COL5A1: variants seen among roughly 807,000 people sequenced by gnomAD.
The protein encoded by COL5A1 is collagen alpha-1(V) chain.
In COL5A1, 16 loss-of-function variants were observed where a neutral mutation model predicts 263.7. That is an observed-to-expected ratio of 0.06 (90% CI 0.04 to 0.09). The LOEUF is 0.09. COL5A1 is among the 10% of genes least tolerant of loss of function. The pLI is 1.00. For missense variants in COL5A1, 2,036 were observed against 2,540.5 expected (o/e 0.80, Z 4.27); for synonymous variants, 1,012 against 1,004.5 (o/e 1.01, Z -0.14).
intron 18 of COL5A1, among the ~76,000 whole-genome samples, chr9:134,761,518 T>C (rs1836443108): frequency 6.6e-6 from 1 of 152,238 alleles, no homozygotes; most frequent in African/African-American, 2.4e-5. Context: ...GAGCACATAT[T>C]GAGCACCCAC....
rs939587509 is a variant in COL5A1, at chr9:134,728,822, G to C, written c.924+15G>C. 6.2e-7 allele frequency: 1 copy of C among 1,613,978 alleles called. No homozygotes were observed. Among genetic ancestry groups the C allele is most frequent in the Admixed American group, 1.7e-5 (1 of 60,032 alleles). The stretch of plus-strand genomic sequence containing the variant: ...AGGTCCCCGAGGTCTGGGCTGAGCG[G>C]GGGACTGGGTTGGGCTGGGCCCCTC... On this transcript the variant is annotated intron_variant, in intron 6 of 65. Transcript: ENST00000371817.
chr9:134,689,018 T>C (rs1564389073), intron 1 of COL5A1, among the ~76,000 whole-genome samples: 1 of 152,136 alleles, frequency 6.6e-6, no homozygotes, highest in South Asian at 2.1e-4. Flanking sequence ...TGTACCTCCT[T>C]GTGGCCTGCG....
chr9:134,808,090 G>C (rs755639236), intron 42 of COL5A1, among the ~76,000 whole-genome samples: 2 of 152,200 alleles, frequency 1.3e-5, no homozygotes, highest in Admixed American at 6.5e-5. Flanking sequence ...AAGTAGGGTA[G>C]ACATTTCTAT....
intron 64 of COL5A1, chr9:134,830,257 C>A: frequency 7.2e-7 from 1 of 1,387,506 alleles, no homozygotes; most frequent in Non-Finnish European, 1.0e-6. Context: ...TGGCACCCAT[C>A]GCTGCCATGT....
chr9:134,763,547 A>T, intron 19 of COL5A1, 146 bp from the exon 20 acceptor site: 1 of 824,650 alleles, frequency 1.2e-6, no homozygotes, highest in Non-Finnish European at 2.1e-6. Flanking sequence ...AGGACATTCC[A>T]GGCCTTTCCG....
At chr9:134,667,185 T>G (rs1182200073) in intron 1 of COL5A1, among the ~76,000 whole-genome samples, 1 of 152,210 alleles carries the variant, frequency 6.6e-6, no homozygotes, top group Non-Finnish European at 1.5e-5. Context: ...GTGGGCTCAG[T>G]GCCTGTCCTG....
In COL5A1 at chr9:134,755,779, GGT is replaced by G. The variant is rs557834611; in HGVS notation, c.1828-981_1828-980del. On this transcript the variant is annotated intron_variant, in intron 16 of 65. Coordinates refer to ENST00000371817, the MANE Select transcript of COL5A1 (RefSeq NM_000093.5). This position sits in a 1 kb window ranked among gnomAD's most constrained non-coding sequence, Gnocchi z 4.1. ...ACGGGAGCACCGACTGTCTCCTTGGGGTGTGTTTGGATTTCTCTCTTTTTGCT... is the reference window on the plus strand; with the variant it reads ...ACGGGAGCACCGACTGTCTCCTTGGGGTGTTTGGATTTCTCTCTTTTTGCT... 3.6e-4 allele frequency among the ~76,000 whole-genome samples: 55 copies of G among 152,288 alleles called. 1 individual carries two copies. The highest frequency in any genetic ancestry group is 2.3e-3 in the Admixed American group (35 of 15,296).
rs1351628366 is a variant in COL5A1 at position 134,700,579 on chromosome 9, T to TGA, written c.491+457_491+458insGA. Among the ~76,000 whole-genome samples, 1 of 152,192 alleles carries TGA rather than the reference T, an allele frequency of 6.6e-6. No homozygotes were observed. The highest frequency in any genetic ancestry group is 1.5e-5 in the Non-Finnish European group (1 of 68,034). On this transcript the variant is annotated intron_variant, in intron 3 of 65. Coordinates refer to ENST00000371817, the MANE Select transcript of COL5A1 (RefSeq NM_000093.5). This position sits in a 1 kb window ranked among gnomAD's most constrained non-coding sequence, Gnocchi z 4.0. ...AACACCAGGGGTTGTCAGTCTCCTC[T>TGA]TTCGTGGTCAGCACGTGTGAGGTCA...
At chr9:134,655,336 CAG>C (rs1217095904) in intron 1 of COL5A1, among the ~76,000 whole-genome samples, 2 of 151,926 alleles carry the variant, frequency 1.3e-5, no homozygotes, top group Non-Finnish European at 2.9e-5. Flanking sequence ...AGGTGGAGCT[CAG>C]AGAAGCACAG....
Position 134,681,374 on chromosome 9 carries a change from T to C in COL5A1, c.110-9538T>C, listed in dbSNP as rs958824713. 6.6e-6 allele frequency among the ~76,000 whole-genome samples: 1 copy of C among 152,234 alleles called. No homozygotes were observed. Among genetic ancestry groups the C allele is most frequent in the Non-Finnish European group, 1.5e-5 (1 of 68,030 alleles). ...GCTTCGTGAACAATTTCTGCGAGCA[T>C]CTGCGGGTGCCGGGCTGTGCGGGGC... is the stretch of plus-strand genomic sequence containing the variant. On this transcript the variant is annotated intron_variant, in intron 1 of 65. Transcript: ENST00000371817. The surrounding 1 kb of genome is among the most constrained non-coding windows in gnomAD (Gnocchi z 4.3).
intron 1 of COL5A1, among the ~76,000 whole-genome samples, chr9:134,650,617 T>G (rs12005599): frequency 0.21 from 31,584 of 152,202 alleles, 4,085 homozygotes; most frequent in African/African-American, 0.35. Flanking sequence ...AAGGCCAGTC[T>G]AGGGAGGCAC....
chr9:134,652,367 T>C lies in COL5A1; in HGVS notation c.109+10071T>C, dbSNP rs1831718885. On this transcript the variant is annotated intron_variant, in intron 1 of 65. Coordinates refer to ENST00000371817, the MANE Select transcript of COL5A1 (RefSeq NM_000093.5). The surrounding 1 kb of genome is among the most constrained non-coding windows in gnomAD (Gnocchi z 4.4). Reference sequence around the variant, plus strand: ...GGCTCTGCTGGGTGGGGCAAGGAGATGCCCCAGGTGGAGCCATCGGGAGAG... The same window carrying C: ...GGCTCTGCTGGGTGGGGCAAGGAGACGCCCCAGGTGGAGCCATCGGGAGAG... 8.5e-6 allele frequency among the ~76,000 whole-genome samples: 1 copy of C among 117,668 alleles called. No individual in the cohort carries two copies. The highest frequency in any genetic ancestry group is 1.0e-4 in the Admixed American group (1 of 10,026). The allele number at this position is 117,668 out of a possible 152,430, so 77.2% of individuals were successfully genotyped here. A position where few individuals can be genotyped will look rare whatever the true frequency, so the allele number is the denominator to read the frequency against.
Position 134,780,165 on chromosome 9 carries a change from C to T in COL5A1, c.2430+19C>T. Reference sequence around the variant, plus strand: ...CGAGAAGGTAAGTCTCTCCTTGCAGCCACGGGGCCCCCTGCTTAGTCCGGA... The same window carrying T: ...CGAGAAGGTAAGTCTCTCCTTGCAGTCACGGGGCCCCCTGCTTAGTCCGGA... On this transcript the variant is annotated intron_variant, in intron 28 of 65. Coordinates refer to ENST00000371817, the MANE Select transcript of COL5A1 (RefSeq NM_000093.5). 1 of 1,612,860 alleles carries T rather than the reference C, an allele frequency of 6.2e-7. No homozygotes were observed. Among genetic ancestry groups the T allele is most frequent in the Non-Finnish European group, 8.5e-7 (1 of 1,179,760 alleles).
chr9:134,657,865 G>A (rs1367918236), intron 1 of COL5A1, among the ~76,000 whole-genome samples: 11 of 151,892 alleles, frequency 7.2e-5, no homozygotes, highest in East Asian at 3.9e-4. Context: ...CCTGGGGGCC[G>A]TTTGGCAGAT....
At chr9:134,693,171 A>G (rs569610918) in intron 2 of COL5A1, among the ~76,000 whole-genome samples, 25 of 152,282 alleles carry the variant, frequency 1.6e-4, no homozygotes, top group African/African-American at 5.8e-4. Flanking sequence ...ATCCCTGAGC[A>G]GGGCTCTTAT....
rs1194399022 is a variant in COL5A1 at position 134,681,276 on chromosome 9, A to C, written c.110-9636A>C. Among the ~76,000 whole-genome samples, 3 of 152,290 alleles carry C rather than the reference A, an allele frequency of 2.0e-5. No homozygotes were observed. Among genetic ancestry groups the C allele is most frequent in the Middle Eastern group, 3.4e-3 (1 of 294 alleles). On this transcript the variant is annotated intron_variant, in intron 1 of 65. Transcript: ENST00000371817. This position sits in a 1 kb window ranked among gnomAD's most constrained non-coding sequence, Gnocchi z 4.3. Reference sequence around the variant, plus strand: ...TGGCTCTCTGGCTTCCAGGAAATACAGGAAGGGAACTAGGAGGGACAGCCG... The same window carrying C: ...TGGCTCTCTGGCTTCCAGGAAATACCGGAAGGGAACTAGGAGGGACAGCCG...
chr9:134,679,339 TAG>T (rs1832769758), intron 1 of COL5A1, among the ~76,000 whole-genome samples: 1 of 105,940 alleles, frequency 9.4e-6, no homozygotes, highest in African/African-American at 3.7e-5. Context: ...CAGGGCTTAT[TAG>T]GGGGCACTGC....
At chr9:134,815,800 C>A in intron 51 of COL5A1, 135 bp from the exon 52 acceptor site, 1 of 1,284,386 alleles carries the variant, frequency 7.8e-7, no homozygotes, top group Non-Finnish European at 1.1e-6. Flanking sequence ...CGCCTTTGAC[C>A]CCACTGACCA....
rs1832723377 is a variant in COL5A1 at position 134,677,860 on chromosome 9, C to T, written c.110-13052C>T. On this transcript the variant is annotated intron_variant, in intron 1 of 65. Coordinates refer to ENST00000371817, the MANE Select transcript of COL5A1 (RefSeq NM_000093.5). This position sits in a 1 kb window ranked among gnomAD's most constrained non-coding sequence, Gnocchi z 4.4. ...TTTCTCCACAGCTGCCTGGAACGCC[C>T]CATGGCATGGTTCCACGGGAGGGGC... Among the ~76,000 whole-genome samples the T allele has an allele frequency of 6.6e-6, 1 of 152,224 alleles. No individual in the cohort carries two copies. The highest frequency in any genetic ancestry group is 1.5e-5 in the Non-Finnish European group (1 of 68,046).
Sources: allele counts gnomAD v4.1 joint callset (sites outside exome capture counted in the v4.1 genomes callset), GRCh38; gene constraint gnomAD v4.1.1; non-coding constraint Gnocchi (gnomAD v3.1); transcripts MANE v1.5; gene names NCBI Gene and HGNC (gene_info 2026-07-23, HGNC 2026-07-21).